The following PRKCE variants were observed in gnomAD, a reference collection of about 807,000 sequenced individuals.
PRKCE encodes the protein protein kinase C epsilon type.
A neutral mutation model predicts 85.4 loss-of-function variants in PRKCE; 16 were observed. That is an observed-to-expected ratio of 0.19 (90% CI 0.13 to 0.28). The LOEUF (loss-of-function observed/expected upper bound fraction) is 0.28. Ranked by LOEUF, PRKCE falls within the 10% of genes least tolerant of loss-of-function variation. PRKCE has a pLI of 1.00. For missense variants in PRKCE, 573 were observed against 975.2 expected (o/e 0.59, Z 5.49); for synonymous variants, 388 against 371.5 (o/e 1.04, Z -0.51).
chr2:45,989,213 G>A (rs548725390), intron 6 of PRKCE, among the ~76,000 whole-genome samples: 4 of 152,350 alleles, frequency 2.6e-5, no homozygotes, highest in Non-Finnish European at 2.9e-5. Flanking sequence ...GACAGGGGAC[G>A]AGGCACAGGG....
At chr2:46,152,914 T>C (rs1676789101) in intron 13 of PRKCE, among the ~76,000 whole-genome samples, 1 of 152,228 alleles carries the variant, frequency 6.6e-6, no homozygotes, top group Non-Finnish European at 1.5e-5. Context: ...TGAGGGTGCA[T>C]GTACCATGTT....
At chr2:46,118,099 A>G (rs1231219001) in intron 11 of PRKCE, among the ~76,000 whole-genome samples, 1 of 152,244 alleles carries the variant, frequency 6.6e-6, no homozygotes, top group Admixed American at 6.5e-5. Flanking sequence ...GACCAATAGC[A>G]TGGATAATTG....
intron 1 of PRKCE, among the ~76,000 whole-genome samples, chr2:45,664,710 T>C (rs1213679903): frequency 6.6e-6 from 1 of 152,238 alleles, no homozygotes; most frequent in Non-Finnish European, 1.5e-5. Flanking sequence ...GGGACATCTG[T>C]CTCATTGCTC....
At chr2:45,809,606 G>A (rs1004016124) in intron 1 of PRKCE, among the ~76,000 whole-genome samples, 8 of 151,810 alleles carry the variant, frequency 5.3e-5, no homozygotes, top group African/African-American at 1.5e-4. Context: ...GGGTACGGTC[G>A]GGCACGGTGG....
chr2:45,830,329 A>T (rs1690318224), intron 1 of PRKCE, among the ~76,000 whole-genome samples: 2 of 152,250 alleles, frequency 1.3e-5, no homozygotes, highest in African/African-American at 4.8e-5. Context: ...ATGAGAAAAC[A>T]GGAAGGCACT....
At chr2:45,695,502 G>T (rs546972134) in intron 1 of PRKCE, among the ~76,000 whole-genome samples, 1 of 152,330 alleles carries the variant, frequency 6.6e-6, no homozygotes, top group South Asian at 2.1e-4. Context: ...GCTGGGCATG[G>T]TCGCTCATGC....
chr2:46,100,333 C>T (rs907397588), intron 11 of PRKCE, among the ~76,000 whole-genome samples: 11 of 152,150 alleles, frequency 7.2e-5, no homozygotes, highest in African/African-American at 2.7e-4. Flanking sequence ...GTGGGTTTTC[C>T]TCCCTCTCTA....
At chr2:45,888,927 C>A (rs933541777) in intron 2 of PRKCE, among the ~76,000 whole-genome samples, 2 of 152,156 alleles carry the variant, frequency 1.3e-5, no homozygotes, top group South Asian at 2.1e-4. Flanking sequence ...AGTGGGGAGA[C>A]CTTGACCAGC....
At chr2:45,745,421 T>C (rs1339598644) in intron 1 of PRKCE, among the ~76,000 whole-genome samples, 4 of 152,152 alleles carry the variant, frequency 2.6e-5, no homozygotes, top group African/African-American at 9.7e-5. Context: ...CTCATCCCTG[T>C]TCTCAACAAC....
At chr2:45,701,226 G>C (rs1678614874) in intron 1 of PRKCE, among the ~76,000 whole-genome samples, 1 of 152,184 alleles carries the variant, frequency 6.6e-6, no homozygotes, top group South Asian at 2.1e-4. Context: ...TCATTGGGTA[G>C]AAAACGGGCA....
chr2:46,172,220 G>A (rs553059343), intron 14 of PRKCE, among the ~76,000 whole-genome samples: 5 of 152,136 alleles, frequency 3.3e-5, no homozygotes, highest in African/African-American at 4.8e-5. Context: ...TGTCAGAAGC[G>A]CCAGGCCCTC....
At chr2:45,878,605 C>T (rs62127248) in intron 2 of PRKCE, among the ~76,000 whole-genome samples, 53,599 of 152,052 alleles carry the variant, frequency 0.35, 9,727 homozygotes, top group East Asian at 0.55. Context: ...TATTTTACTG[C>T]GTTAAAGAAG....
chr2:45,720,330 G>T (rs1178568676), intron 1 of PRKCE, among the ~76,000 whole-genome samples: 1 of 152,170 alleles, frequency 6.6e-6, no homozygotes, highest in East Asian at 1.9e-4. Context: ...CTACCTGGGA[G>T]GTTGGCGGGG....
intron 2 of PRKCE, among the ~76,000 whole-genome samples, chr2:45,891,710 A>T (rs901737286): frequency 6.6e-6 from 1 of 152,128 alleles, no homozygotes; most frequent in Non-Finnish European, 1.5e-5. Context: ...TAAGCCTCCA[A>T]ATGTCCGCTA....
intron 2 of PRKCE, among the ~76,000 whole-genome samples, chr2:45,846,887 T>C (rs1691835953): frequency 1.3e-5 from 2 of 152,208 alleles, no homozygotes; most frequent in Admixed American, 6.5e-5. Context: ...TCAGTAAATA[T>C]CATGAAGCCT....
At chr2:45,804,725 G>A (rs1688115814) in intron 1 of PRKCE, among the ~76,000 whole-genome samples, 1 of 152,198 alleles carries the variant, frequency 6.6e-6, no homozygotes, top group Non-Finnish European at 1.5e-5. Context: ...GTTCTCCCCA[G>A]TCACCCAGTA....
intron 6 of PRKCE, among the ~76,000 whole-genome samples, chr2:45,997,879 T>G (rs959842698): frequency 5.3e-5 from 8 of 152,182 alleles, no homozygotes; most frequent in Admixed American, 6.5e-5. Context: ...TCAAAATATT[T>G]TAAAACTTAT....
At position 46,131,690 on chromosome 2, in the gene PRKCE, T is replaced by C. The variant is rs183730662; in HGVS notation, c.1593-13403T>C. Among the ~76,000 whole-genome samples the C allele has an allele frequency of 4.3e-3, 662 of 152,306 alleles. 5 individuals are homozygous for C. The highest frequency in any genetic ancestry group is 0.015 in the African/African-American group (633 of 41,560). Reference sequence around the variant, plus strand: ...TTCTTGGTTGGAAGACTGGAAGGCATGTGGAGAACATGGAACTCTGGTGGG... The same window carrying C: ...TTCTTGGTTGGAAGACTGGAAGGCACGTGGAGAACATGGAACTCTGGTGGG... On this transcript the variant is annotated intron_variant, in intron 11 of 14. Coordinates refer to ENST00000306156, the MANE Select transcript of PRKCE (RefSeq NM_005400.3).
intron 2 of PRKCE, among the ~76,000 whole-genome samples, chr2:45,938,637 C>G (rs531850498): frequency 6.6e-6 from 1 of 152,308 alleles, no homozygotes; most frequent in East Asian, 1.9e-4. Flanking sequence ...TTATGGGTCC[C>G]TTCTCTTTTG....
Sources: gnomAD v4.1 joint callset for allele counts (sites outside exome capture counted in the v4.1 genomes callset) on GRCh38, gnomAD v4.1.1 for gene constraint, MANE v1.5 for transcripts, NCBI Gene and HGNC (gene_info 2026-07-23, HGNC 2026-07-21) for gene names.